Variants in NELL1 observed in about 807,000 individuals in gnomAD.
NELL1 encodes protein kinase C-binding protein NELL1.
In NELL1, 76 loss-of-function variants were observed where a neutral mutation model predicts 107.4. That is an observed-to-expected ratio of 0.71 (90% CI 0.59 to 0.86). The LOEUF is 0.86. Ranked by LOEUF, NELL1 falls within the 40% of genes least tolerant of loss-of-function variation. The pLI is 0.00. For synonymous variants in NELL1, 353 were observed against 341.2 expected (o/e 1.03, Z -0.38); for missense variants, 1,024 against 1,005.5 (o/e 1.02, Z -0.25).
chr11:21,202,097 T>C (rs530853530), intron 13 of NELL1, among the ~76,000 whole-genome samples: 3 of 152,328 alleles, frequency 2.0e-5, no homozygotes, highest in Admixed American at 2.0e-4. Context: ...TCTTTTTTTG[T>C]TGTATCTCTG....
At chr11:20,827,350 G>A in intron 3 of NELL1, among the ~76,000 whole-genome samples, 1 of 151,272 alleles carries the variant, frequency 6.6e-6, no homozygotes, top group Non-Finnish European at 1.5e-5. Context: ...TGTATGGCTT[G>A]GAGGGATTTT....
chr11:20,932,470 G>A (rs1850638155), intron 9 of NELL1, among the ~76,000 whole-genome samples: 1 of 152,218 alleles, frequency 6.6e-6, no homozygotes, highest in Non-Finnish European at 1.5e-5. Context: ...GATGGATGAT[G>A]AAGATTGTAT....
chr11:20,965,847 T>G (rs191969552), intron 12 of NELL1, among the ~76,000 whole-genome samples: 2 of 152,248 alleles, frequency 1.3e-5, no homozygotes, highest in Non-Finnish European at 2.9e-5. Flanking sequence ...GGTAGATACT[T>G]ACTAGACATG....
At chr11:21,155,733 T>C (rs1194538841) in intron 13 of NELL1, among the ~76,000 whole-genome samples, 1 of 152,022 alleles carries the variant, frequency 6.6e-6, no homozygotes, top group Non-Finnish European at 1.5e-5. Flanking sequence ...GAAGTGAAGA[T>C]AGCAAGTGTA....
In NELL1 at chr11:21,339,269, G is replaced by A. The variant is rs117580329; in HGVS notation, c.1550-31584G>A. Among the ~76,000 whole-genome samples the A allele has an allele frequency of 4.9e-3, 753 of 152,260 alleles. 6 individuals carry two copies. The highest frequency in any genetic ancestry group is 0.024 in the East Asian group (126 of 5,178). On this transcript the variant is annotated intron_variant, in intron 14 of 19. Coordinates refer to ENST00000357134, the MANE Select transcript of NELL1 (RefSeq NM_006157.5). ...GGCAGGTACACATAGCAAGACAACC[G>A]TATAAAGGTAAAGGCAGAGATTGGA...
chr11:20,760,612 G>A (rs1478726891), intron 2 of NELL1, among the ~76,000 whole-genome samples: 1 of 152,178 alleles, frequency 6.6e-6, no homozygotes, highest in African/African-American at 2.4e-5. Context: ...GACAGAGAGG[G>A]AATGATTAAT....
intron 15 of NELL1, among the ~76,000 whole-genome samples, chr11:21,400,528 C>A (rs1852073976): frequency 6.6e-6 from 1 of 151,792 alleles, no homozygotes; most frequent in Non-Finnish European, 1.5e-5. Flanking sequence ...GGTCATAATT[C>A]TACCATCTTG....
At chr11:21,294,229 C>T (rs569171764) in intron 14 of NELL1, among the ~76,000 whole-genome samples, 4 of 152,198 alleles carry the variant, frequency 2.6e-5, no homozygotes, top group Admixed American at 2.6e-4. Flanking sequence ...ACTTCTGTCC[C>T]CATAGTGTAC....
At chr11:20,748,883 T>G (rs1856064894) in intron 2 of NELL1, among the ~76,000 whole-genome samples, 1 of 147,630 alleles carries the variant, frequency 6.8e-6, no homozygotes, top group African/African-American at 2.6e-5. Context: ...CATCCATCCA[T>G]CCATCCATCC....
intron 13 of NELL1, among the ~76,000 whole-genome samples, chr11:21,128,647 T>A (rs1315636413): frequency 6.6e-6 from 1 of 152,236 alleles, no homozygotes; most frequent in East Asian, 1.9e-4. Context: ...AATGCGGCAT[T>A]GATTAGAAGA....
chr11:21,391,655 T>C (rs1851881258), intron 15 of NELL1, among the ~76,000 whole-genome samples: 1 of 151,860 alleles, frequency 6.6e-6, no homozygotes, highest in South Asian at 2.1e-4. Flanking sequence ...TATTGCTTTC[T>C]GAATGTTTTT....
chr11:20,867,447 C>T (rs558188292), intron 4 of NELL1, among the ~76,000 whole-genome samples: 104 of 152,228 alleles, frequency 6.8e-4, no homozygotes, highest in African/African-American at 2.4e-3. Context: ...GAGGAGGAAA[C>T]GTTTATGAAC....
chr11:21,347,124 A>G (rs1446607045), intron 14 of NELL1, among the ~76,000 whole-genome samples: 2 of 152,156 alleles, frequency 1.3e-5, no homozygotes, highest in African/African-American at 2.4e-5. Context: ...ACAGAGTGGC[A>G]GTGGTGTTGT....
At chr11:21,169,117 A>G (rs1856548157) in intron 13 of NELL1, among the ~76,000 whole-genome samples, 1 of 151,826 alleles carries the variant, frequency 6.6e-6, no homozygotes, top group Admixed American at 6.6e-5. Flanking sequence ...TGTAAATTAT[A>G]CCTTTTAATC....
At chr11:21,215,010 A>G (rs941198239) in intron 13 of NELL1, among the ~76,000 whole-genome samples, 4 of 152,190 alleles carry the variant, frequency 2.6e-5, no homozygotes, top group African/African-American at 9.6e-5. Context: ...ATATTGTACT[A>G]TAGGTATATA....
At chr11:20,671,871 T>C (rs954994870) in intron 1 of NELL1, among the ~76,000 whole-genome samples, 2 of 152,080 alleles carry the variant, frequency 1.3e-5, no homozygotes, top group Non-Finnish European at 2.9e-5. Context: ...TGGTCAGGGA[T>C]TTGAGAGATG....
chr11:21,086,779 A>T (rs1854400879), intron 12 of NELL1, among the ~76,000 whole-genome samples: 1 of 152,000 alleles, frequency 6.6e-6, no homozygotes. Flanking sequence ...AACCTTGAAT[A>T]GAAGAGAAAA....
chr11:21,104,828 C>T (rs969783477), intron 12 of NELL1, among the ~76,000 whole-genome samples: 4 of 152,186 alleles, frequency 2.6e-5, no homozygotes, highest in African/African-American at 7.2e-5. Context: ...TTTCTCACAT[C>T]TCTGGAGGCT....
chr11:21,510,107 C>T (rs1855395812), intron 15 of NELL1, among the ~76,000 whole-genome samples: 1 of 152,182 alleles, frequency 6.6e-6, no homozygotes, highest in African/African-American at 2.4e-5. Context: ...AAGACCTCTT[C>T]AGGACTGTAG....
Sources: allele counts gnomAD v4.1 joint callset (sites outside exome capture counted in the v4.1 genomes callset), GRCh38; gene constraint gnomAD v4.1.1; transcripts MANE v1.5; gene names NCBI Gene and HGNC (gene_info 2026-07-23, HGNC 2026-07-21).